Variants in CEP41 observed in about 807,000 individuals in gnomAD.
The protein encoded by CEP41 is centrosomal protein 41.
Under a neutral mutation model 44.3 loss-of-function variants are expected in CEP41, and 32 were observed. That is an observed-to-expected ratio of 0.72 (90% CI 0.54 to 0.97). CEP41 has a LOEUF of 0.97. Among genes scored for constraint, CEP41 ranks in the 50% least tolerant of loss-of-function variants. The probability of loss-of-function intolerance (pLI) is 0.00; values close to 1 mark genes in which losing one functional copy is unlikely to be tolerated. For synonymous variants in CEP41, 151 were observed against 168.5 expected, an observed-to-expected ratio of 0.90 and a Z score of 0.80; for missense variants, 432 against 455.2, an observed-to-expected ratio of 0.95 and a Z score of 0.46.
intron 1 of CEP41, among the ~76,000 whole-genome samples, chr7:130,437,758 CTG>C (rs1798010571): frequency 1.4e-5 from 1 of 70,900 alleles, no homozygotes; most frequent in Non-Finnish European, 2.6e-5. Context: ...CAAAGCAAGA[CTG>C]TCTCAAAAAA....
At chr7:130,436,974 G>A (rs1330205140) in intron 1 of CEP41, among the ~76,000 whole-genome samples, 1 of 152,270 alleles carries the variant, frequency 6.6e-6, no homozygotes, top group African/African-American at 2.4e-5. Context: ...GGGAGGCGGA[G>A]GTTGTAGTGA....
intron 10 of CEP41, chr7:130,399,501 T>C: frequency 4.5e-6 from 1 of 223,322 alleles, no homozygotes; most frequent in Non-Finnish European, 8.9e-6. Context: ...CAATTTTACC[T>C]GAGATATACT....
Position 130,416,903 on chromosome 7 carries a change from CAA to C in CEP41, c.145+14_145+15del. 6.4e-7 allele frequency: 1 copy of C among 1,569,192 alleles called. No homozygotes were observed. Among genetic ancestry groups the C allele is most frequent in the Non-Finnish European group, 8.8e-7 (1 of 1,139,094 alleles). On this transcript the variant is annotated intron_variant, in intron 3 of 10. Coordinates refer to ENST00000223208, the MANE Select transcript of CEP41 (RefSeq NM_018718.3). ...ATAGACTTCCACTCTCCCAAACCAT[CAA>C]GAGTGTTACTTACTTTTCTTAATCT...
chr7:130,409,506 C>T (rs1554418933), intron 5 of CEP41, among the ~76,000 whole-genome samples: 1 of 152,172 alleles, frequency 6.6e-6, no homozygotes, highest in African/African-American at 2.4e-5. Flanking sequence ...AGATAAATTC[C>T]TGTCGTTTTC....
intron 2 of CEP41, 78 bp downstream of exon 2, chr7:130,427,877 C>A: frequency 1.1e-6 from 1 of 914,744 alleles, no homozygotes; most frequent in Non-Finnish European, 1.8e-6. Flanking sequence ...GTGATTTATA[C>A]CAGATATGTG....
At chr7:130,441,237 T>G, upstream of CEP41, 1 of 569,550 alleles carries the variant, frequency 1.8e-6, no homozygotes, top group Admixed American at 2.6e-5. Context: ...GCTCCAGCCT[T>G]AGGGCGGGAA....
rs185957992 is a variant in CEP41 at position 130,436,122 on chromosome 7, C to T, written c.33+4812G>A. On this transcript the variant is annotated intron_variant, in intron 1 of 10. Transcript: ENST00000223208. ...TGAGCTGAGATGGTGCCGCTGCACT[C>T]CAGCCTGGGTGATAGAGTGAGACTC... Among the ~76,000 whole-genome samples, 653 of 152,298 alleles carry T rather than the reference C, an allele frequency of 4.3e-3. 7 individuals carry two copies. The highest frequency in any genetic ancestry group is 5.4e-3 in the Non-Finnish European group (364 of 68,016).
intron 3 of CEP41, among the ~76,000 whole-genome samples, chr7:130,413,330 G>C (rs1554420227): frequency 6.6e-6 from 1 of 152,140 alleles, no homozygotes; most frequent in Non-Finnish European, 1.5e-5. Context: ...ACTTAGGCCA[G>C]GTTTGGTGGC....
chr7:130,400,367 C>G, intron 9 of CEP41, 113 bp from the exon 10 acceptor site: 1 of 774,324 alleles, frequency 1.3e-6, no homozygotes, highest in Non-Finnish European at 2.3e-6. Context: ...GAGGCCAACA[C>G]AAGGACATGA....
At chr7:130,422,527 C>G (rs889575389) in intron 2 of CEP41, among the ~76,000 whole-genome samples, 12 of 152,148 alleles carry the variant, frequency 7.9e-5, no homozygotes, top group African/African-American at 2.9e-4. Flanking sequence ...TACCCTGGCA[C>G]ATAATGCATA....
At chr7:130,428,043 T>G (rs782454319) in intron 1 of CEP41, 25 bp from the exon 2 acceptor site, 116 of 1,441,862 alleles carry the variant, frequency 8.0e-5, no homozygotes, top group Admixed American at 6.7e-4. Flanking sequence ...AATTCACAAT[T>G]AATTGGGTTA....
At chr7:130,428,459 A>C (rs1242187451) in intron 1 of CEP41, among the ~76,000 whole-genome samples, 1 of 142,692 alleles carries the variant, frequency 7.0e-6, no homozygotes, top group Non-Finnish European at 1.5e-5. Context: ...AAAAAGATGG[A>C]ATGAGCTCCA....
At chr7:130,437,777 A>AAAAAAAAAAAAAAAAAAAAAG (rs1798015198) in intron 1 of CEP41, among the ~76,000 whole-genome samples, 3 of 138,638 alleles carry the variant, frequency 2.2e-5, no homozygotes, top group Non-Finnish European at 3.1e-5. Flanking sequence ...AAAAAAAAAA[A>AAAAAAAAAAAAAAAAAAAAAG]AAAAAAAAAA....
At chr7:130,438,723 G>C (rs1314726301) in intron 1 of CEP41, among the ~76,000 whole-genome samples, 1 of 151,946 alleles carries the variant, frequency 6.6e-6, no homozygotes, top group Non-Finnish European at 1.5e-5. Context: ...CTCAAATCCT[G>C]ACCAGCAGAC....
chr7:130,410,026 C>CTTATTTTTTTTTTTT (rs1554419053), intron 5 of CEP41, among the ~76,000 whole-genome samples: 1 of 131,874 alleles, frequency 7.6e-6, no homozygotes, highest in Non-Finnish European at 1.6e-5. Context: ...CTACCTCGGT[C>CTTATTTTTTTTTTTT]TTCTTTTTTT....
At chr7:130,406,716 T>C (rs1797021087) in intron 5 of CEP41, among the ~76,000 whole-genome samples, 1 of 151,880 alleles carries the variant, frequency 6.6e-6, no homozygotes, top group Non-Finnish European at 1.5e-5. Context: ...AAATATGTGG[T>C]TAGATAAAAG....
intron 1 of CEP41, 21 bp from the exon 2 acceptor site, chr7:130,428,039 C>T: frequency 3.3e-6 from 5 of 1,498,192 alleles, no homozygotes; most frequent in Non-Finnish European, 4.7e-6. Flanking sequence ...AGGAAATTCA[C>T]AATTAATTGG....
intron 8 of CEP41, among the ~76,000 whole-genome samples, chr7:130,401,625 A>G (rs538989479): frequency 6.6e-6 from 1 of 152,324 alleles, no homozygotes; most frequent in East Asian, 1.9e-4. Flanking sequence ...GGAGGAAAAA[A>G]ACTCTCTTAG....
At position 130,395,070 on chromosome 7, in the gene CEP41, G is replaced by C. The variant is rs1554413968; in HGVS notation, c.*3821C>G. 1 of 454,016 alleles carries C rather than the reference G, an allele frequency of 2.2e-6. No homozygotes were observed. The highest frequency in any genetic ancestry group is 2.3e-5 in the Admixed American group (1 of 42,568). The allele number at this position is 454,016 out of a possible 1,614,324, so 28.1% of individuals were successfully genotyped here. On this transcript the variant is annotated 3_prime_UTR_variant, in exon 11 of 11. Transcript: ENST00000223208. ...CACATAAAATCATGCACCGAATCCT[G>C]TTCTGCCTGAATTCAAGGCTGACAA...
Sources: gnomAD v4.1 joint callset for allele counts (sites outside exome capture counted in the v4.1 genomes callset) on GRCh38, gnomAD v4.1.1 for gene constraint, MANE v1.5 for transcripts, NCBI Gene and HGNC (gene_info 2026-07-23, HGNC 2026-07-21) for gene names.